The following FRY variants were observed in gnomAD, a reference collection of about 807,000 sequenced individuals.
The protein encoded by FRY is FRY microtubule binding protein.
FRY carries 128 observed loss-of-function variants against 348.4 expected under a neutral mutation model. The observed-to-expected ratio is 0.37, with a 90% CI of 0.32 to 0.43. FRY has a LOEUF of 0.43. Ranked by LOEUF, FRY falls within the 20% of genes least tolerant of loss-of-function variation. The probability of loss-of-function intolerance (pLI) is 1.00; values close to 1 mark genes in which losing one functional copy is unlikely to be tolerated. For synonymous variants in FRY, 1,370 were observed against 1,374.7 expected (o/e 1.00, Z 0.08); for missense variants, 2,736 against 3,695.2 (o/e 0.74, Z 6.73).
intron 33 of FRY, among the ~76,000 whole-genome samples, chr13:32,210,339 C>A (rs577629892): frequency 6.6e-6 from 1 of 152,304 alleles, no homozygotes; most frequent in South Asian, 2.1e-4. Context: ...TGCCTTGAGT[C>A]CACATAAGCC....
At position 32,147,835 on chromosome 13, in the gene FRY, T is replaced by C. The variant is rs1465397171; in HGVS notation, c.1284-4T>C. 6 of 1,567,090 alleles carry C rather than the reference T, an allele frequency of 3.8e-6. No individual in the cohort carries two copies. Among genetic ancestry groups the C allele is most frequent in the Non-Finnish European group, 5.3e-6 (6 of 1,137,156 alleles). The stretch of plus-strand genomic sequence containing the variant: ...TGTTTTCTCTTTTCCCCCTTATCTT[T>C]CAGCCGACTTATAACCATCATCACA... On this transcript the variant is annotated splice_region_variant and splice_polypyrimidine_tract_variant and intron_variant, in intron 12 of 60. Transcript: ENST00000542859.
At chr13:32,103,563 G>A (rs530577520) in intron 3 of FRY, among the ~76,000 whole-genome samples, 2 of 152,240 alleles carry the variant, frequency 1.3e-5, no homozygotes, top group East Asian at 1.9e-4. Context: ...GTTAAATGAC[G>A]AGTTAATGGG....
intron 2 of FRY, among the ~76,000 whole-genome samples, chr13:32,080,347 A>G (rs998678508): frequency 6.6e-6 from 1 of 152,230 alleles, no homozygotes; most frequent in African/African-American, 2.4e-5. Context: ...ATTGTGCACA[A>G]CTTATTACCT....
At chr13:32,254,033 G>A (rs1887215212) in intron 50 of FRY, 191 bp from the exon 51 acceptor site, 2 of 622,308 alleles carry the variant, frequency 3.2e-6, no homozygotes, top group South Asian at 3.7e-5. Context: ...GCATGAACTT[G>A]CGTCTTTGCC....
chr13:32,221,907 G>A (rs1885335785), intron 36 of FRY, among the ~76,000 whole-genome samples: 1 of 152,126 alleles, frequency 6.6e-6, no homozygotes, highest in South Asian at 2.1e-4. Context: ...TAGGTAGTAG[G>A]GAGAAAACAA....
intron 3 of FRY, among the ~76,000 whole-genome samples, chr13:32,112,897 A>G (rs1035224724): frequency 7.2e-5 from 11 of 152,216 alleles, no homozygotes; most frequent in Non-Finnish European, 1.6e-4. Context: ...AAACAATTTA[A>G]CTGGCATTGG....
chr13:32,178,138 G>A lies in FRY; in HGVS notation c.2422-39G>A, dbSNP rs77845256. 4,288 of 1,612,300 alleles carry A rather than the reference G, an allele frequency of 2.7e-3. 97 individuals are homozygous for A. In the African/African-American group the frequency reaches 0.05, roughly 19 times the overall value. ...GCCTTGATGAGGATGGATAACTTCA[G>A]TTCGGGTTTAACTTACAACCTACCT... On this transcript the variant is annotated intron_variant, in intron 20 of 60. Coordinates refer to ENST00000542859, the MANE Select transcript of FRY (RefSeq NM_023037.3).
chr13:32,165,362 G>T (rs1238286157), intron 17 of FRY, among the ~76,000 whole-genome samples: 2 of 152,178 alleles, frequency 1.3e-5, no homozygotes, highest in African/African-American at 4.8e-5. Context: ...AAGAGAACTT[G>T]TCTCAATTGT....
At chr13:32,258,586 C>T (rs1284873014) in intron 51 of FRY, among the ~76,000 whole-genome samples, 1 of 150,666 alleles carries the variant, frequency 6.6e-6, no homozygotes, top group African/African-American at 2.5e-5. Flanking sequence ...GCACTCCAGC[C>T]TGGGTAACAG....
intron 58 of FRY, among the ~76,000 whole-genome samples, chr13:32,279,582 G>T (rs1888715223): frequency 6.6e-6 from 1 of 152,234 alleles, no homozygotes; most frequent in South Asian, 2.1e-4. Flanking sequence ...AGTGGCAAGA[G>T]TGGTTCAGGG....
chr13:32,187,958 A>C (rs746150157), intron 28 of FRY, among the ~76,000 whole-genome samples: 52 of 152,184 alleles, frequency 3.4e-4, no homozygotes, highest in Non-Finnish European at 4.7e-4. Context: ...CAATAACAAA[A>C]AGATAATTTT....
rs758600279 is a variant in FRY at position 32,157,255 on chromosome 13, A to G, written c.1652-18A>G. On this transcript the variant is annotated intron_variant, in intron 15 of 60. Transcript: ENST00000542859. Reference sequence around the variant, plus strand: ...GATAGATTCAGTTGAAGGTATAACTATAATGCATGTTTTTCAGGCATGTCC... The same window carrying G: ...GATAGATTCAGTTGAAGGTATAACTGTAATGCATGTTTTTCAGGCATGTCC... 10 of 1,606,226 alleles carry G rather than the reference A, an allele frequency of 6.2e-6. No homozygotes were observed. The highest frequency in any genetic ancestry group is 7.7e-6 in the Non-Finnish European group (9 of 1,173,426).
chr13:32,249,442 G>A (rs1886964184), intron 48 of FRY, 84 bp from the exon 49 acceptor site: 3 of 1,408,454 alleles, frequency 2.1e-6, no homozygotes, highest in South Asian at 1.2e-5. Context: ...CAAATAAGCA[G>A]CTCTTGGTTG....
At chr13:32,097,372 T>TA (rs1876811111) in intron 2 of FRY, among the ~76,000 whole-genome samples, 1 of 149,892 alleles carries the variant, frequency 6.7e-6, no homozygotes, top group African/African-American at 2.5e-5. Context: ...CTTTTTTTTT[T>TA]TTTTTTTGAG....
At chr13:32,043,856 A>T (rs190292751) in intron 1 of FRY, among the ~76,000 whole-genome samples, 2 of 152,326 alleles carry the variant, frequency 1.3e-5, no homozygotes, top group East Asian at 3.9e-4. Context: ...AAAGAAAGCA[A>T]ATTATAAGAA....
intron 1 of FRY, among the ~76,000 whole-genome samples, chr13:32,041,442 C>T (rs1023054693): frequency 5.3e-5 from 8 of 151,732 alleles, no homozygotes; most frequent in African/African-American, 1.7e-4. Context: ...TACAGGTGCC[C>T]GCCACCATGC....
intron 11 of FRY, among the ~76,000 whole-genome samples, chr13:32,139,335 T>C (rs1050098537): frequency 6.6e-6 from 1 of 152,162 alleles, no homozygotes; most frequent in Non-Finnish European, 1.5e-5. Context: ...CGCACCTTTC[T>C]GCACCCTTCC....
intron 47 of FRY, 110 bp from the exon 48 acceptor site, chr13:32,247,213 T>C: frequency 1.2e-6 from 1 of 852,728 alleles, no homozygotes; most frequent in South Asian, 1.4e-5. Flanking sequence ...TGCGCTGTTT[T>C]AAGTCAGTGA....
intron 49 of FRY, 146 bp downstream of exon 49, chr13:32,249,833 C>T (rs1406389783): frequency 1.1e-5 from 8 of 723,270 alleles, no homozygotes; most frequent in Non-Finnish European, 2.0e-5. Flanking sequence ...TTGTGGCATT[C>T]CAAGGAACCC....
Sources: allele counts gnomAD v4.1 joint callset (sites outside exome capture counted in the v4.1 genomes callset), GRCh38; gene constraint gnomAD v4.1.1; transcripts MANE v1.5; gene names NCBI Gene and HGNC (gene_info 2026-07-23, HGNC 2026-07-21).